The following COL6A5 variants were observed in gnomAD, a reference collection of about 807,000 sequenced individuals.
COL6A5 encodes collagen alpha-5(VI) chain.
Under a neutral mutation model 65.6 loss-of-function variants are expected in COL6A5, and 48 were observed. That is an observed-to-expected ratio of 0.73 (90% CI 0.58 to 0.93). COL6A5 has a LOEUF of 0.93. Ranked by LOEUF, COL6A5 falls within the 40% of genes least tolerant of loss-of-function variation. COL6A5 has a pLI of 0.00. For missense variants in COL6A5, 914 were observed against 928.3 expected, an observed-to-expected ratio of 0.98 and a Z score of 0.20; for synonymous variants, 291 against 322.8, an observed-to-expected ratio of 0.90 and a Z score of 1.05.
At chr3:130,367,099 G>C (rs1270353182) in intron 1 of COL6A5, among the ~76,000 whole-genome samples, 1 of 152,182 alleles carries the variant, frequency 6.6e-6, no homozygotes, top group Non-Finnish European at 1.5e-5. Context: ...GAACGTGATG[G>C]TTGTTAGATG....
intron 2 of COL6A5, 90 bp from the exon 35 acceptor site, chr3:130,440,076 T>C (rs975286547): frequency 9.6e-5 from 93 of 965,974 alleles, no homozygotes; most frequent in Non-Finnish European, 1.3e-4. Context: ...TAATTCTTGG[T>C]AATTAGTCAC....
At chr3:130,465,142 T>A (rs1420652474) in intron 5 of COL6A5, among the ~76,000 whole-genome samples, 1 of 152,000 alleles carries the variant, frequency 6.6e-6, no homozygotes, top group African/African-American at 2.4e-5. Flanking sequence ...GCCTTGAGTG[T>A]TTTCAGGACA....
exon 8 of COL6A5, chr3:130,484,416 AT>A: frequency 2.5e-6 from 1 of 405,220 alleles, no homozygotes; most frequent in East Asian, 3.5e-5. Flanking sequence ...TGTATCTCAG[AT>A]TGGACTCCTC....
intron 5 of COL6A5, among the ~76,000 whole-genome samples, chr3:130,461,843 G>C (rs568931034): frequency 4.0e-5 from 6 of 151,340 alleles, no homozygotes; most frequent in African/African-American, 1.5e-4. Context: ...AAACCAACAA[G>C]CCATATCCGA....
At chr3:130,429,714 T>C, upstream of COL6A5, 1 of 712,594 alleles carries the variant, frequency 1.4e-6, no homozygotes, top group East Asian at 3.1e-5. Context: ...GTTCTTTCTT[T>C]TGATTATGAC....
chr3:130,389,802 C>A (rs2107651730), intron 6 of COL6A5, among the ~76,000 whole-genome samples: 1 of 152,042 alleles, frequency 6.6e-6, no homozygotes, highest in Admixed American at 6.6e-5. Context: ...ATTTTAATGT[C>A]TTTTGAATGA....
Position 130,376,637 on chromosome 3 carries a change from C to T in COL6A5, c.468C>T (p.Ala156=), listed in dbSNP as rs1935787294. 5.6e-6 allele frequency: 9 copies of T among 1,612,260 alleles called. No individual in the cohort carries two copies. The South Asian group carries it at 8.8e-5, about 16-fold the overall frequency. ...ATGAAGTGGAAGAGGCTTCGAAAGCCCTGCAGAAAGACGGGGTGAAAATTA... is the reference window on the plus strand; with the variant it reads ...ATGAAGTGGAAGAGGCTTCGAAAGCTCTGCAGAAAGACGGGGTGAAAATTA... The change falls in exon 3 of 42, where the codon GCC becomes GCT. Residue 156 remains alanine (A), a synonymous_variant and NMD_transcript_variant. Transcript: ENST00000312481.
At chr3:130,349,568 T>C (rs1037259910) in intron 1 of COL6A5, among the ~76,000 whole-genome samples, 1 of 152,224 alleles carries the variant, frequency 6.6e-6, no homozygotes, top group Non-Finnish European at 1.5e-5. Context: ...TAAATCATAA[T>C]GTAATAATCT....
intron 4 of COL6A5, among the ~76,000 whole-genome samples, chr3:130,453,876 C>T (rs186592030): frequency 6.6e-6 from 1 of 152,252 alleles, no homozygotes; most frequent in East Asian, 1.9e-4. Context: ...GCATATGTTC[C>T]TCTAATGTCA....
chr3:130,449,773 A>C (rs1709390210), intron 4 of COL6A5, among the ~76,000 whole-genome samples: 4 of 152,176 alleles, frequency 2.6e-5, no homozygotes, highest in Non-Finnish European at 5.9e-5. Flanking sequence ...TAGGTAGTAA[A>C]AGCAATTGAG....
upstream of COL6A5, among the ~76,000 whole-genome samples, chr3:130,430,879 A>G (rs1937772663): frequency 6.6e-6 from 1 of 152,092 alleles, no homozygotes; most frequent in African/African-American, 2.4e-5. Flanking sequence ...GCTGCACTTG[A>G]TTCATCTTTG....
intron 10 of COL6A5, among the ~76,000 whole-genome samples, chr3:130,398,372 C>T (rs1377124959): frequency 6.6e-6 from 1 of 152,154 alleles, no homozygotes; most frequent in Non-Finnish European, 1.5e-5. Flanking sequence ...CCTCGTGATT[C>T]ACCCGACTTG....
chr3:130,362,312 ATATATATATATATATTTTTTTTTTT>A (rs1248914552), intron 1 of COL6A5, among the ~76,000 whole-genome samples: 13 of 13,848 alleles, frequency 9.4e-4, no homozygotes, highest in African/African-American at 2.8e-3. Flanking sequence ...ATATATATAT[ATATATATATATATATTTTTTTTTTT>A]TTTTTTTTTT....
rs114973344 is a variant in COL6A5, at chr3:130,432,877, C to T, written c.487+928C>T. On this transcript the variant is annotated intron_variant, in intron 1 of 7. Transcript: ENST00000512836. ...TTGGATCCACAGATTCTCAAGGGATCAGTGCTCCCCTTCCCTTCCTCCTAA... is the reference window on the plus strand; with the variant it reads ...TTGGATCCACAGATTCTCAAGGGATTAGTGCTCCCCTTCCCTTCCTCCTAA... 5.8e-3 allele frequency among the ~76,000 whole-genome samples: 876 copies of T among 152,236 alleles called. 12 individuals are homozygous for T. The highest frequency in any genetic ancestry group is 0.02 in the African/African-American group (811 of 41,540).
intron 1 of COL6A5, among the ~76,000 whole-genome samples, chr3:130,363,788 T>C (rs1935227677): frequency 6.6e-6 from 1 of 152,182 alleles, no homozygotes; most frequent in African/African-American, 2.4e-5. Flanking sequence ...CTATTAGACT[T>C]GTCCACATTG....
chr3:130,413,459 AGC>A, intron 20 of COL6A5, 84 bp from the exon 21 acceptor site: 1 of 1,255,636 alleles, frequency 8.0e-7, no homozygotes, highest in Non-Finnish European at 1.1e-6. Flanking sequence ...ACTTATGTCT[AGC>A]AGAGAATGAA....
chr3:130,449,226 A>G (rs1487512874), intron 4 of COL6A5, among the ~76,000 whole-genome samples: 3 of 152,178 alleles, frequency 2.0e-5, no homozygotes, highest in Admixed American at 1.3e-4. Context: ...CGCCACTAAA[A>G]AGGATAACCT....
At chr3:130,473,321 G>A (rs1710006907) in intron 7 of COL6A5, among the ~76,000 whole-genome samples, 1 of 151,952 alleles carries the variant, frequency 6.6e-6, no homozygotes, top group South Asian at 2.1e-4. Flanking sequence ...CTGAGGGCAA[G>A]CCTAAGTACA....
At chr3:130,400,983 C>T (rs1365868319) in intron 10 of COL6A5, 48 bp from the exon 11 acceptor site, 1 of 1,411,264 alleles carries the variant, frequency 7.1e-7, no homozygotes, top group African/African-American at 1.5e-5. Context: ...TCTTCTTTTT[C>T]ATGTACAACC....
Sources: gnomAD v4.1 joint callset for allele counts (sites outside exome capture counted in the v4.1 genomes callset) on GRCh38, gnomAD v4.1.1 for gene constraint, MANE v1.5 for transcripts, NCBI Gene and HGNC (gene_info 2026-07-23, HGNC 2026-07-21) for gene names.